Variants in ESCO2 observed in about 807,000 individuals in gnomAD.
The protein encoded by ESCO2 is N-acetyltransferase ESCO2.
A neutral mutation model predicts 61.7 loss-of-function variants in ESCO2; 51 were observed. The observed-to-expected ratio is 0.83, with a 90% CI of 0.66 to 1.04. ESCO2 has a LOEUF of 1.04. ESCO2 is among the 50% of genes least tolerant of loss of function. The probability of loss-of-function intolerance (pLI) is 0.00; values close to 1 mark genes in which losing one functional copy is unlikely to be tolerated. For synonymous variants in ESCO2, 230 were observed against 238.2 expected, an observed-to-expected ratio of 0.97 and a Z score of 0.32; for missense variants, 692 against 686.2, an observed-to-expected ratio of 1.01 and a Z score of -0.09.
intron 5 of ESCO2, among the ~76,000 whole-genome samples, chr8:27,785,702 A>G (rs1348251804): frequency 1.3e-5 from 2 of 151,300 alleles, no homozygotes; most frequent in Non-Finnish European, 3.0e-5. Context: ...TCCATCTCAA[A>G]AAAAAAAAAA....
Position 27,776,716 on chromosome 8 carries a change from C to G in ESCO2, c.408C>G (p.Asn136Lys), listed in dbSNP as rs1307609015. ...MQGKPVCSKK[N>K]NKKPQKSLTA... Reference sequence around the variant, plus strand: ...GAAAACCAGTCTGCTCCAAGAAGAACAACAAAAAACCACAGAAGAGTTTAA... The same window carrying G: ...GAAAACCAGTCTGCTCCAAGAAGAAGAACAAAAAACCACAGAAGAGTTTAA... Residue 136 changes from asparagine (N) to lysine (K), a missense_variant, in exon 3 of 11, where the codon AAC becomes AAG. Asn to Lys is a moderately conservative substitution (Grantham distance 94). Transcript: ENST00000305188. 1.2e-6 allele frequency: 2 copies of G among 1,613,708 alleles called. No individual in the cohort carries two copies. The highest frequency in any genetic ancestry group is 8.5e-7 in the Non-Finnish European group (1 of 1,179,968).
chr8:27,773,299 C>G (rs1337471140), upstream of ESCO2, among the ~76,000 whole-genome samples: 1 of 152,182 alleles, frequency 6.6e-6, no homozygotes, highest in African/African-American at 2.4e-5. Flanking sequence ...GACCCACACC[C>G]TATAGTTTAA....
At chr8:27,810,466 C>T, downstream of ESCO2, 2 of 1,604,950 alleles carry the variant, frequency 1.2e-6, no homozygotes, top group Non-Finnish European at 1.7e-6. Flanking sequence ...GCATAGTATG[C>T]TTCATCATCA....
At position 27,788,019 on chromosome 8, in the gene ESCO2, C is replaced by G. The variant is rs761018373; in HGVS notation, c.1131+17C>G. The stretch of plus-strand genomic sequence containing the variant: ...CTCATCATCGTGAGTAAATTCCAAA[C>G]AAAGCTTCTCCTATCTAGCCCTTTG... On this transcript the variant is annotated intron_variant, in intron 6 of 10. Coordinates refer to ENST00000305188, the MANE Select transcript of ESCO2 (RefSeq NM_001017420.3). 9.6e-6 allele frequency: 15 copies of G among 1,569,242 alleles called. No homozygotes were observed. Among genetic ancestry groups the G allele is most frequent in the Non-Finnish European group, 1.3e-5 (15 of 1,139,596 alleles).
intron 10 of ESCO2, among the ~76,000 whole-genome samples, chr8:27,801,959 C>T (rs1805435994): frequency 7.1e-6 from 1 of 141,172 alleles, no homozygotes. Context: ...TCTCAAATGT[C>T]CTTCATGGCA....
chr8:27,785,775 TCA>T (rs1805027612), intron 5 of ESCO2, among the ~76,000 whole-genome samples: 1 of 152,056 alleles, frequency 6.6e-6, no homozygotes, highest in Non-Finnish European at 1.5e-5. Context: ...CTCCAAAACG[TCA>T]GTTATCAGCA....
In ESCO2 at chr8:27,788,924, T is replaced by C. The variant is rs573727219; in HGVS notation, c.1209T>C (p.Asp403=). 1 of 1,614,142 alleles carries C rather than the reference T, an allele frequency of 6.2e-7. No individual in the cohort carries two copies. Among genetic ancestry groups the C allele is most frequent in the Admixed American group, 1.7e-5 (1 of 60,012 alleles). The part of the protein sequence containing the change: ...GMIYTASNPE[D]EMQHVQHHHR... ...TATATACTGCTTCCAACCCTGAAGA[T>C]GAAATGCAGCATGTACAGCATCACC... Residue 403 remains aspartate (D), a synonymous_variant, in exon 7 of 11, where the codon GAT becomes GAC. Coordinates refer to ENST00000305188, the MANE Select transcript of ESCO2 (RefSeq NM_001017420.3).
chr8:27,779,238 C>T (rs1347912643), intron 3 of ESCO2: 1 of 152,188 alleles, frequency 6.6e-6, no homozygotes, highest in East Asian at 1.9e-4. Flanking sequence ...TGTGAGGATA[C>T]CCTTTCCCCA....
chr8:27,776,690 G>A lies in ESCO2; in HGVS notation c.382G>A (p.Gly128Arg), dbSNP rs143828675. ...TCCCATTGTGACAGAAAAAATGCAA[G>A]GAAAACCAGTCTGCTCCAAGAAGAA... Reference protein sequence around the residue: ...SFPIVTEKMQGKPVCSKKNNK... With the variant: ...SFPIVTEKMQRKPVCSKKNNK... The change falls in exon 3 of 11, where the codon GGA becomes AGA. Residue 128 changes from glycine to arginine, a missense_variant. Coordinates refer to ENST00000305188, the MANE Select transcript of ESCO2 (RefSeq NM_001017420.3). 1.0e-4 allele frequency: 168 copies of A among 1,613,650 alleles called. No homozygotes were observed. In the East Asian group the frequency reaches 3.6e-3, roughly 34 times the overall value.
intron 10 of ESCO2, among the ~76,000 whole-genome samples, chr8:27,802,362 G>A (rs1399967332): frequency 1.3e-5 from 2 of 150,678 alleles, no homozygotes; most frequent in Admixed American, 6.6e-5. Flanking sequence ...TTGGGAGGCC[G>A]AGGCGGGTGG....
downstream of ESCO2, among the ~76,000 whole-genome samples, chr8:27,813,350 A>C (rs1805735741): frequency 6.6e-6 from 1 of 152,090 alleles, no homozygotes; most frequent in African/African-American, 2.4e-5. Context: ...ATTAGGAGAA[A>C]TACCTAATGT....
downstream of ESCO2, among the ~76,000 whole-genome samples, chr8:27,809,079 C>T (rs1011301992): frequency 2.0e-5 from 3 of 152,132 alleles, no homozygotes; most frequent in African/African-American, 7.2e-5. Flanking sequence ...AGTCTTAAAG[C>T]AGGAACTGCT....
Position 27,803,436 on chromosome 8 carries a change from T to A in ESCO2, c.1804T>A (p.Ter602LysextTer2), listed in dbSNP as rs772888676. ...TTTCCTCGTATATAATTTTAATAGT[T>A]AAAGCTGATTTCAGTTATAAAGGAG... is the stretch of plus-strand genomic sequence containing the variant. ...PNFLVYNFNS* is the reference protein window; with the variant it reads ...PNFLVYNFNSK The change falls in exon 11 of 11, where the codon TAA becomes AAA. Residue 602 changes from the stop codon to lysine, a stop_lost. Transcript: ENST00000305188. The A allele has an allele frequency of 6.2e-7, 1 of 1,612,926 alleles. No homozygotes were observed.
At chr8:27,775,423 CTAAT>C (rs1317965973) in intron 1 of ESCO2, 72 bp from the exon 2 acceptor site, 1 of 1,249,294 alleles carries the variant, frequency 8.0e-7, no homozygotes, top group Non-Finnish European at 1.2e-6. Context: ...GTGAAATAGA[CTAAT>C]TAAAGGGGGT....
chr8:27,776,577 A>C lies in ESCO2; in HGVS notation c.269A>C (p.Asn90Thr). ...TCCACTGTATCTTTTTACAACCAAA[A>C]TAAGTGGTACCTCAATCCACTGGAG... ...ALSTVSFYNQ[N>T]KWYLNPLERK... Residue 90 changes from asparagine to threonine, a missense_variant, in exon 3 of 11, where the codon AAT (asparagine) becomes ACT (threonine). Physicochemically the swap from Asn to Thr is moderately conservative, Grantham distance 65. Transcript: ENST00000305188. 2 of 1,614,172 alleles carry C rather than the reference A, an allele frequency of 1.2e-6. No homozygotes were observed. Among genetic ancestry groups the C allele is most frequent in the Non-Finnish European group, 1.7e-6 (2 of 1,180,010 alleles).
At chr8:27,810,032 G>A (rs1322604338), downstream of ESCO2, 3 of 378,830 alleles carry the variant, frequency 7.9e-6, no homozygotes, top group Non-Finnish European at 1.4e-5. Flanking sequence ...ACAGTTTACA[G>A]CGTTTTACTG....
chr8:27,800,744 A>G (rs1260375993), intron 10 of ESCO2, among the ~76,000 whole-genome samples: 1 of 152,252 alleles, frequency 6.6e-6, no homozygotes, highest in Non-Finnish European at 1.5e-5. Context: ...TACAATAATA[A>G]CAATGGGATG....
chr8:27,810,221 G>T, downstream of ESCO2: 2 of 904,146 alleles, frequency 2.2e-6, no homozygotes, highest in Non-Finnish European at 3.6e-6. Flanking sequence ...CAATTTTAGA[G>T]TCTAATAACT....
chr8:27,816,459 C>G (rs1388007503), downstream of ESCO2, among the ~76,000 whole-genome samples: 1 of 151,426 alleles, frequency 6.6e-6, no homozygotes, highest in Non-Finnish European at 1.5e-5. Context: ...TCACTGCAAG[C>G]TCTGCCTCCT....
Sources: gnomAD v4.1 joint callset for allele counts (sites outside exome capture counted in the v4.1 genomes callset) on GRCh38, gnomAD v4.1.1 for gene constraint, MANE v1.5 for transcripts, NCBI Gene and HGNC (gene_info 2026-07-23, HGNC 2026-07-21) for gene names.